The following MTA1 variants were observed in gnomAD, a reference collection of about 807,000 sequenced individuals.
MTA1 encodes metastasis associated 1.
In MTA1, 15 loss-of-function variants were observed where a neutral mutation model predicts 97.0. That is an observed-to-expected ratio of 0.15 (90% CI 0.10 to 0.24). MTA1 has a LOEUF of 0.24. Ranked by LOEUF, MTA1 falls within the 10% of genes least tolerant of loss-of-function variation. MTA1 has a pLI of 1.00. For synonymous variants in MTA1, 435 were observed against 417.5 expected, an observed-to-expected ratio of 1.04 and a Z score of -0.51; for missense variants, 709 against 1,015.1, an observed-to-expected ratio of 0.70 and a Z score of 4.10.
chr14:105,460,197 C>T lies in MTA1; in HGVS notation c.654-161C>T, dbSNP rs587621081. Among the ~76,000 whole-genome samples, 426 of 144,922 alleles carry T rather than the reference C, an allele frequency of 2.9e-3. 3 individuals are homozygous for T. Among genetic ancestry groups the T allele is most frequent in the African/African-American group, 0.01 (391 of 38,268 alleles). On this transcript the variant is annotated intron_variant, in intron 8 of 20. Coordinates refer to ENST00000331320, the MANE Select transcript of MTA1 (RefSeq NM_004689.4). Reference sequence around the variant, plus strand: ...GGGAGTGGTGTGCCTGGGGGAAGTCCGTGCTGCCCATGGCCCCTGGTCCCT... The same window carrying T: ...GGGAGTGGTGTGCCTGGGGGAAGTCTGTGCTGCCCATGGCCCCTGGTCCCT...
At chr14:105,427,239 GC>G (rs2141412478) in intron 1 of MTA1, among the ~76,000 whole-genome samples, 1 of 152,354 alleles carries the variant, frequency 6.6e-6, no homozygotes, top group African/African-American at 2.4e-5. Flanking sequence ...AGCCCAAGTT[GC>G]GTGGTGCTTG....
chr14:105,466,929 C>T, intron 18 of MTA1, 187 bp downstream of exon 18: 1 of 640,226 alleles, frequency 1.6e-6, no homozygotes, highest in Non-Finnish European at 2.6e-6. Context: ...ACCCCCCGAG[C>T]CCAGGCATCT....
intron 6 of MTA1, among the ~76,000 whole-genome samples, chr14:105,450,996 G>GCA (rs2082907456): frequency 6.6e-6 from 1 of 152,184 alleles, no homozygotes; most frequent in Non-Finnish European, 1.5e-5. Context: ...CAGTTGCGGG[G>GCA]CACACCTGCC....
At chr14:105,442,579 G>A (rs1387046197) in intron 2 of MTA1, among the ~76,000 whole-genome samples, 2 of 152,292 alleles carry the variant, frequency 1.3e-5, no homozygotes, top group Admixed American at 1.3e-4. Context: ...GGTGTTCGAA[G>A]GAAGAGAAGA....
chr14:105,469,003 C>G (rs1259311277), intron 18 of MTA1: 5 of 350,392 alleles, frequency 1.4e-5, no homozygotes, highest in Non-Finnish European at 2.3e-5. Flanking sequence ...GGGTGGTGAC[C>G]TGTTTCTGGC....
At chr14:105,459,049 T>G (rs2083261251) in intron 8 of MTA1, among the ~76,000 whole-genome samples, 1 of 148,248 alleles carries the variant, frequency 6.7e-6, no homozygotes, top group Non-Finnish European at 1.5e-5. Flanking sequence ...CCCTGGTCCC[T>G]GGGGAGCTGT....
rs781992361 is a variant in MTA1, at chr14:105,450,338, C to T, written c.432+14C>T. On this transcript the variant is annotated intron_variant, in intron 6 of 20. Coordinates refer to ENST00000331320, the MANE Select transcript of MTA1 (RefSeq NM_004689.4). ...CTGGAGCGGGAGGTGAGGCCCAGCC[C>T]GGCCTGGTCTGCCGCAGCCAGTCCC... The T allele has an allele frequency of 2.8e-5, 44 of 1,596,422 alleles. No individual in the cohort carries two copies. Among genetic ancestry groups the T allele is most frequent in the South Asian group, 1.2e-4 (11 of 90,344 alleles).
At chr14:105,462,574 A>T (rs1293123085) in intron 10 of MTA1, among the ~76,000 whole-genome samples, 1 of 151,382 alleles carries the variant, frequency 6.6e-6, no homozygotes, top group Non-Finnish European at 1.5e-5. Context: ...TGTCTCAAAA[A>T]CAAAAATGGC....
intron 2 of MTA1, among the ~76,000 whole-genome samples, chr14:105,439,597 C>T (rs2082441597): frequency 6.6e-6 from 1 of 152,218 alleles, no homozygotes; most frequent in African/African-American, 2.4e-5. Flanking sequence ...TCTCCTCCTC[C>T]TGGTTGGAGA....
rs781928178 is a variant in MTA1, at chr14:105,464,457, A to C, written c.1234A>C (p.Met412Leu). 1 of 1,613,656 alleles carries C rather than the reference A, an allele frequency of 6.2e-7. No homozygotes were observed. The change falls in exon 14 of 21, where the codon ATG (methionine) becomes CTG (leucine). Residue 412 changes from methionine (M) to leucine (L), a missense_variant. Coordinates refer to ENST00000331320, the MANE Select transcript of MTA1 (RefSeq NM_004689.4). ...GTGGTATTCTTGGGGTCCCCCTAAC[A>C]TGCAGTGTCGTCTCTGCGCATCTTG... ...YQWYSWGPPN[M>L]QCRLCASCWT...
intron 16 of MTA1, chr14:105,465,526 C>G (rs1366888518): frequency 5.2e-6 from 1 of 193,646 alleles, no homozygotes; most frequent in Non-Finnish European, 1.0e-5. Context: ...GCCTGAGGGT[C>G]TGGGGTTTAG....
chr14:105,460,314 C>A, intron 8 of MTA1, 44 bp from the exon 9 acceptor site: 5 of 1,545,800 alleles, frequency 3.2e-6, no homozygotes, highest in African/African-American at 1.4e-5. Flanking sequence ...TGTGGGGAGT[C>A]CCTGCTTGGC....
At chr14:105,429,663 C>T (rs2082119240) in intron 1 of MTA1, among the ~76,000 whole-genome samples, 2 of 150,878 alleles carry the variant, frequency 1.3e-5, no homozygotes, top group East Asian at 3.9e-4. Context: ...CCATGTTAGC[C>T]AGGATGGCCT....
intron 17 of MTA1, 48 bp from the exon 18 acceptor site, chr14:105,466,659 C>G: frequency 6.3e-7 from 1 of 1,599,998 alleles, no homozygotes; most frequent in Non-Finnish European, 8.5e-7. Flanking sequence ...ACCCGCCGTG[C>G]GTGCTGACGC....
intron 2 of MTA1, among the ~76,000 whole-genome samples, chr14:105,441,544 C>T (rs782052473): frequency 6.6e-6 from 1 of 152,232 alleles, no homozygotes. Context: ...CCTGGAATCC[C>T]AGCACTTTGA....
At chr14:105,435,703 CTTG>C (rs1255929251) in intron 1 of MTA1, among the ~76,000 whole-genome samples, 12 of 152,288 alleles carry the variant, frequency 7.9e-5, no homozygotes, top group East Asian at 1.9e-4. Context: ...GCGCAGAGTT[CTTG>C]TTGTTGTATT....
At chr14:105,432,808 G>A (rs980257745) in intron 1 of MTA1, among the ~76,000 whole-genome samples, 3 of 152,166 alleles carry the variant, frequency 2.0e-5, no homozygotes, top group Non-Finnish European at 4.4e-5. Flanking sequence ...AAAATGAGAG[G>A]CAAAGTCTGC....
rs2083780182 is a variant in MTA1, at chr14:105,470,208, A to C, written c.2141A>C (p.Glu714Ala). ...APVNDEPIVI[E>A]D The stretch of plus-strand genomic sequence containing the variant: ...GTCAACGACGAGCCCATCGTCATCG[A>C]GGACTAGGGGCCGCCCCCACCTGCG... Residue 714 changes from glutamate (E) to alanine (A), a missense_variant, in exon 21 of 21, where the codon GAG (glutamate) becomes GCG (alanine). Glu to Ala is a moderately radical substitution (Grantham distance 107). Coordinates refer to ENST00000331320, the MANE Select transcript of MTA1 (RefSeq NM_004689.4). 1 of 1,592,834 alleles carries C rather than the reference A, an allele frequency of 6.3e-7. No homozygotes were observed. Among genetic ancestry groups the C allele is most frequent in the Non-Finnish European group, 8.5e-7 (1 of 1,172,388 alleles).
Position 105,419,883 on chromosome 14 carries a change from TCGGCGGCGGCGG to T in MTA1, c.-136_-125del, listed in dbSNP as rs587635485. On this transcript the variant is annotated 5_prime_UTR_variant, in exon 1 of 21. Coordinates refer to ENST00000331320, the MANE Select transcript of MTA1 (RefSeq NM_004689.4). ...CCGTCCCTGCGCGGCCTCGGCGGCC[TCGGCGGCGGCGG>T]CGGCGGCGGCGGCGGCAGCAGCGCG... 1.6e-4 allele frequency: 30 copies of T among 182,678 alleles called. No individual in the cohort carries two copies. The highest frequency in any genetic ancestry group is 2.1e-4 in the Non-Finnish European group (22 of 103,854). The allele number at this position is 182,678 out of a possible 1,614,324, so 11.3% of individuals were successfully genotyped here.
Sources: gnomAD v4.1 joint callset for allele counts (sites outside exome capture counted in the v4.1 genomes callset) on GRCh38, gnomAD v4.1.1 for gene constraint, MANE v1.5 for transcripts, NCBI Gene and HGNC (gene_info 2026-07-23, HGNC 2026-07-21) for gene names.